EHBP1: variants seen among roughly 807,000 people sequenced by gnomAD.
EHBP1 encodes EH domain-binding protein 1.
Under a neutral mutation model 144.0 loss-of-function variants are expected in EHBP1, and 55 were observed. That is an observed-to-expected ratio of 0.38 (90% CI 0.31 to 0.48). EHBP1 has a LOEUF of 0.48. Ranked by LOEUF, EHBP1 falls within the 20% of genes least tolerant of loss-of-function variation. The probability of loss-of-function intolerance (pLI) is 0.98; values close to 1 mark genes in which losing one functional copy is unlikely to be tolerated. For missense variants in EHBP1, 1,200 were observed against 1,364.2 expected (o/e 0.88, Z 1.90); for synonymous variants, 469 against 472.7 (o/e 0.99, Z 0.10).
chr2:62,987,045 A>G (rs976855738), intron 15 of EHBP1, among the ~76,000 whole-genome samples: 1 of 152,178 alleles, frequency 6.6e-6, no homozygotes, highest in African/African-American at 2.4e-5. Context: ...CTACAGAGCT[A>G]TTTCTTCAAA....
intron 5 of EHBP1, among the ~76,000 whole-genome samples, chr2:62,817,464 A>C (rs2045529209): frequency 6.6e-6 from 1 of 152,198 alleles, no homozygotes; most frequent in African/African-American, 2.4e-5. Flanking sequence ...GCAGAAAAAA[A>C]GATGGAACAA....
intron 14 of EHBP1, among the ~76,000 whole-genome samples, chr2:62,963,416 A>C (rs1229495871): frequency 1.3e-5 from 2 of 152,210 alleles, no homozygotes; most frequent in Admixed American, 6.5e-5. Context: ...GGTAAAAAAC[A>C]CTAAACTTTT....
chr2:62,778,273 C>T (rs945349950), intron 5 of EHBP1, among the ~76,000 whole-genome samples: 11 of 152,050 alleles, frequency 7.2e-5, no homozygotes, highest in African/African-American at 2.4e-4. Context: ...GACCTGGTAG[C>T]ACACGCCTGA....
chr2:62,763,455 A>G (rs1467002082), intron 3 of EHBP1, among the ~76,000 whole-genome samples: 1 of 152,222 alleles, frequency 6.6e-6, no homozygotes, highest in Non-Finnish European at 1.5e-5. Context: ...AATGAGTTTA[A>G]CATAAGTAAA....
chr2:62,939,480 G>A (rs189220450), intron 10 of EHBP1, among the ~76,000 whole-genome samples: 128 of 152,148 alleles, frequency 8.4e-4, no homozygotes, highest in Non-Finnish European at 1.5e-3. Context: ...TCACCATGCT[G>A]GCCAGGCCAG....
rs541955324 is a variant in EHBP1 at position 62,749,060 on chromosome 2, G to A, written c.162+1608G>A. On this transcript the variant is annotated intron_variant, in intron 3 of 22. Coordinates refer to ENST00000431489, the MANE Select transcript of EHBP1 (RefSeq NM_001142616.3). ...GCAGGTTTGTTACATATGTATACAT[G>A]TGCCATGTTGGTGTGCTGCACCCAT... Among the ~76,000 whole-genome samples the A allele has an allele frequency of 4.3e-4, 66 of 152,204 alleles. 1 individual carries two copies. The highest frequency in any genetic ancestry group is 1.4e-3 in the African/African-American group (58 of 41,540).
intron 3 of EHBP1, among the ~76,000 whole-genome samples, chr2:62,751,581 C>T (rs867317405): frequency 2.6e-5 from 4 of 152,152 alleles, no homozygotes; most frequent in African/African-American, 9.7e-5. Context: ...CCTTGTACCT[C>T]CGGTAGAATT....
chr2:62,811,771 T>C (rs900692359), intron 5 of EHBP1, among the ~76,000 whole-genome samples: 1 of 152,200 alleles, frequency 6.6e-6, no homozygotes, highest in African/African-American at 2.4e-5. Context: ...CTTGAGTCAG[T>C]AGAGAAAGTG....
chr2:62,963,048 A>G (rs956161846), intron 14 of EHBP1, among the ~76,000 whole-genome samples: 1 of 152,202 alleles, frequency 6.6e-6, no homozygotes, highest in African/African-American at 2.4e-5. Context: ...TAAAGACCTG[A>G]AGGAACGTTT....
At chr2:62,758,512 T>G (rs1398432642) in intron 3 of EHBP1, among the ~76,000 whole-genome samples, 1 of 152,206 alleles carries the variant, frequency 6.6e-6, no homozygotes, top group Middle Eastern at 3.2e-3. Context: ...ACAAAGATTT[T>G]TGTCAGGCTG....
At chr2:62,892,626 G>A (rs190747015) in intron 10 of EHBP1, among the ~76,000 whole-genome samples, 4 of 151,840 alleles carry the variant, frequency 2.6e-5, no homozygotes, top group African/African-American at 4.8e-5. Flanking sequence ...TTAATTCTAC[G>A]TAGCAAAACT....
At chr2:62,821,449 G>T (rs1389754294) in intron 5 of EHBP1, among the ~76,000 whole-genome samples, 1 of 152,124 alleles carries the variant, frequency 6.6e-6, no homozygotes, top group Admixed American at 6.6e-5. Flanking sequence ...AGCACTTTGG[G>T]AGGTTGAGGT....
chr2:62,823,056 A>AG (rs2046095273), intron 5 of EHBP1, among the ~76,000 whole-genome samples: 1 of 152,052 alleles, frequency 6.6e-6, no homozygotes, highest in Non-Finnish European at 1.5e-5. Flanking sequence ...GTATGTGTGG[A>AG]GGGGGGATAT....
chr2:62,912,780 A>G (rs946634182), intron 10 of EHBP1, among the ~76,000 whole-genome samples: 1 of 152,184 alleles, frequency 6.6e-6, no homozygotes, highest in Non-Finnish European at 1.5e-5. Context: ...CAGGAAAAAT[A>G]TAGACTTCGG....
chr2:62,742,479 G>A (rs1423073912), intron 2 of EHBP1, among the ~76,000 whole-genome samples: 1 of 151,982 alleles, frequency 6.6e-6, no homozygotes, highest in Non-Finnish European at 1.5e-5. Flanking sequence ...AACCTCCTAA[G>A]ATACTTACCC....
At chr2:62,776,188 C>T (rs1343156865) in intron 5 of EHBP1, among the ~76,000 whole-genome samples, 1 of 152,152 alleles carries the variant, frequency 6.6e-6, no homozygotes, top group East Asian at 1.9e-4. Flanking sequence ...TGACATAATG[C>T]TATTTTCATT....
chr2:62,742,647 A>G lies in EHBP1; in HGVS notation c.105-4748A>G, dbSNP rs569233893. On this transcript the variant is annotated intron_variant, in intron 2 of 22. Transcript: ENST00000431489. ...CCAGGAATTGAAGGAGCTACCAAAA[A>G]AGGAGGGGAGGTTGCCAGAGTCAAG... Among the ~76,000 whole-genome samples the G allele has an allele frequency of 3.3e-5, 5 of 152,180 alleles. No homozygotes were observed. In the South Asian group the frequency reaches 6.2e-4, roughly 19 times the overall value.
intron 5 of EHBP1, among the ~76,000 whole-genome samples, chr2:62,794,329 A>G (rs1048536998): frequency 1.3e-5 from 2 of 152,094 alleles, no homozygotes; most frequent in African/African-American, 4.8e-5. Flanking sequence ...TGCTACAACT[A>G]GTATTTCTTG....
At chr2:62,771,144 T>C (rs533596579) in intron 4 of EHBP1, among the ~76,000 whole-genome samples, 195 bp from the exon 5 acceptor site, 34 of 152,274 alleles carry the variant, frequency 2.2e-4, no homozygotes, top group Non-Finnish European at 4.7e-4. Context: ...AACCTGCACA[T>C]ATACCCCAAA....
Sources: allele counts gnomAD v4.1 joint callset (sites outside exome capture counted in the v4.1 genomes callset), GRCh38; gene constraint gnomAD v4.1.1; transcripts MANE v1.5; gene names NCBI Gene and HGNC (gene_info 2026-07-23, HGNC 2026-07-21).